Variants in DCTN4 observed in about 807,000 individuals in gnomAD.
DCTN4 encodes dynactin 4 (p62).
Under a neutral mutation model 62.7 loss-of-function variants are expected in DCTN4, and 23 were observed. The ratio of observed to expected loss-of-function variants is 0.37; its 90% confidence interval spans 0.26 to 0.52. The LOEUF (loss-of-function observed/expected upper bound fraction) is 0.52. Ranked by LOEUF, DCTN4 falls within the 20% of genes least tolerant of loss-of-function variation. The pLI, the probability that DCTN4 is intolerant of heterozygous loss-of-function variation, is 0.92. For missense variants in DCTN4, 514 were observed against 580.4 expected, an observed-to-expected ratio of 0.89 and a Z score of 1.18; for synonymous variants, 199 against 202.1, an observed-to-expected ratio of 0.98 and a Z score of 0.13.
rs948550308 is a variant in DCTN4 at position 150,731,100 on chromosome 5, T to A, written c.668A>T (p.Asp223Val). The change falls in exon 7 of 13, where the codon GAT becomes GTT. Residue 223 changes from aspartate to valine, a missense_variant. Coordinates refer to ENST00000447998, the MANE Select transcript of DCTN4 (RefSeq NM_016221.4). ...GTCTTCAGGTAGAGGTTCCACTTCA[T>A]CCACAGCCTGAGCTGGCTCAATCTT... ...EIKIEPAQAV[D>V]EVEPLPEDYY... The A allele has an allele frequency of 5.0e-6, 8 of 1,613,486 alleles. No homozygotes were observed. The highest frequency in any genetic ancestry group is 1.7e-5 in the Admixed American group (1 of 60,016).
intron 4 of DCTN4, among the ~76,000 whole-genome samples, chr5:150,741,164 C>CAAAAAAAAA: frequency 1.7e-5 from 1 of 58,348 alleles, no homozygotes; most frequent in African/African-American, 5.4e-5. Flanking sequence ...GATCCTGTCT[C>CAAAAAAAAA]AAAAAAAAAA....
intron 3 of DCTN4, among the ~76,000 whole-genome samples, chr5:150,753,111 C>T (rs576880490): frequency 2.0e-5 from 3 of 152,254 alleles, no homozygotes; most frequent in African/African-American, 4.8e-5. Flanking sequence ...GTGATCTGCC[C>T]GCCTCAACCT....
chr5:150,758,464 A>ATGG, intron 1 of DCTN4: 4 of 993,612 alleles, frequency 4.0e-6, no homozygotes, highest in Non-Finnish European at 4.8e-6. Flanking sequence ...TGGGAGAACT[A>ATGG]TGAATGAGAA....
chr5:150,754,473 A>G (rs139976805), intron 2 of DCTN4, among the ~76,000 whole-genome samples: 325 of 152,336 alleles, frequency 2.1e-3, no homozygotes, highest in Non-Finnish European at 3.7e-3. Context: ...CAGGGCAGGA[A>G]AGACAAATAA....
chr5:150,716,184 G>A (rs1460438176), intron 11 of DCTN4, among the ~76,000 whole-genome samples: 18 of 152,192 alleles, frequency 1.2e-4, no homozygotes, highest in Admixed American at 1.2e-3. Flanking sequence ...GATTACAGGC[G>A]TGAGCCACCG....
At chr5:150,742,248 T>C (rs1175441903) in intron 3 of DCTN4, 91 bp from the exon 4 acceptor site, 2 of 1,329,948 alleles carry the variant, frequency 1.5e-6, no homozygotes, top group African/African-American at 2.9e-5. Flanking sequence ...AAAAAGAAAC[T>C]TAAAACATAA....
In DCTN4 at chr5:150,747,288, G is replaced by C. The variant is rs557831891; in HGVS notation, c.386-5131C>G. Among the ~76,000 whole-genome samples, 8 of 152,316 alleles carry C rather than the reference G, an allele frequency of 5.3e-5. No individual in the cohort carries two copies. In the East Asian group the frequency reaches 9.6e-4, roughly 18 times the overall value. On this transcript the variant is annotated intron_variant, in intron 3 of 12. Transcript: ENST00000447998. ...CAAACCACTGCTCAAGGAAATAAAA[G>C]AGGATACAAACAAATGGAAGAACAT... is the stretch of plus-strand genomic sequence containing the variant.
chr5:150,742,210 T>C, intron 3 of DCTN4, 53 bp from the exon 4 acceptor site: 2 of 1,570,104 alleles, frequency 1.3e-6, no homozygotes, highest in Non-Finnish European at 1.8e-6. Context: ...TAATTTTATT[T>C]TCATAAAACA....
chr5:150,742,180 A>G, intron 3 of DCTN4, 23 bp from the exon 4 acceptor site: 1 of 1,610,620 alleles, frequency 6.2e-7, no homozygotes, highest in Non-Finnish European at 8.5e-7. Flanking sequence ...AGAATATTAA[A>G]CAAGACTTTC....
chr5:150,731,598 A>G (rs1485647198), intron 5 of DCTN4, 109 bp from the exon 6 acceptor site: 7 of 827,016 alleles, frequency 8.5e-6, no homozygotes, highest in Non-Finnish European at 1.3e-5. Context: ...GAAATAAGCA[A>G]AAAAAAAGCT....
At position 150,731,026 on chromosome 5, in the gene DCTN4, A is replaced by C; in HGVS notation, c.724+18T>G. The C allele has an allele frequency of 7.0e-7, 1 of 1,432,634 alleles. No individual in the cohort carries two copies. The highest frequency in any genetic ancestry group is 9.8e-7 in the Non-Finnish European group (1 of 1,022,918). The allele number at this position is 1,432,634 out of a possible 1,614,324, so 88.7% of individuals were successfully genotyped here. ...TAGATGTAGACTAGAAACAAAGTAG[A>C]AAAACACAGAAAATTACCCTCTGTT... On this transcript the variant is annotated intron_variant, in intron 7 of 12. Transcript: ENST00000447998.
chr5:150,708,616 T>G lies in DCTN4; in HGVS notation c.*2533A>C, dbSNP rs1022729656. On this transcript the variant is annotated 3_prime_UTR_variant, in exon 13 of 13. Coordinates refer to ENST00000447998, the MANE Select transcript of DCTN4 (RefSeq NM_016221.4). ...AACTAACCTGCTAAGAGATTTTAGA[T>G]TACTTCATTTAAGGAATGGAAGGGA... 4 of 152,780 alleles carry G rather than the reference T, an allele frequency of 2.6e-5. No homozygotes were observed. The highest frequency in any genetic ancestry group is 9.6e-5 in the African/African-American group (4 of 41,458). 9.5% of individuals were successfully genotyped at this position (152,780 alleles called of 1,614,324 possible).
intron 3 of DCTN4, among the ~76,000 whole-genome samples, chr5:150,752,254 G>A (rs952793543): frequency 6.6e-6 from 1 of 152,092 alleles, no homozygotes; most frequent in African/African-American, 2.4e-5. Context: ...ACTCTATGAT[G>A]TTAACCATGA....
chr5:150,755,753 C>T (rs1752838067), intron 2 of DCTN4, among the ~76,000 whole-genome samples: 1 of 151,814 alleles, frequency 6.6e-6, no homozygotes. Flanking sequence ...GAAAAGAATC[C>T]TGGAAAAAAA....
intron 3 of DCTN4, among the ~76,000 whole-genome samples, chr5:150,742,621 C>T (rs975317101): frequency 1.3e-5 from 2 of 152,256 alleles, no homozygotes; most frequent in African/African-American, 2.4e-5. Flanking sequence ...GAATTTCTTA[C>T]GTAAGAAGCA....
chr5:150,713,601 G>A (rs1203911844), intron 12 of DCTN4, among the ~76,000 whole-genome samples: 8 of 150,662 alleles, frequency 5.3e-5, no homozygotes, highest in East Asian at 2.0e-4. Context: ...GTGCCACCAC[G>A]CCTGGCTAAT....
chr5:150,731,177 A>T, intron 6 of DCTN4, 21 bp from the exon 7 acceptor site: 1 of 1,473,332 alleles, frequency 6.8e-7, no homozygotes, highest in Non-Finnish European at 9.5e-7. Flanking sequence ...AAAAAAACAA[A>T]ACAAAACAAA....
intron 8 of DCTN4, among the ~76,000 whole-genome samples, chr5:150,724,183 A>G (rs1760056661): frequency 6.6e-6 from 1 of 151,828 alleles, no homozygotes; most frequent in African/African-American, 2.4e-5. Context: ...TTAATTTTTC[A>G]TTTTCTCATT....
Position 150,733,405 on chromosome 5 carries a change from A to T in DCTN4, c.500T>A (p.Leu167Gln), listed in dbSNP as rs748518473. 6.2e-7 allele frequency: 1 copy of T among 1,614,098 alleles called. No individual in the cohort carries two copies. The highest frequency in any genetic ancestry group is 8.5e-7 in the Non-Finnish European group (1 of 1,179,996). ...AGGCATATAGTTTCTACGTCGTGCC[A>T]GTTTCTTGCGATCTCGCTCAACCTT... The part of the protein sequence containing the change: ...KEKVERDRKK[L>Q]ARRRNYMPLA... Residue 167 changes from leucine (L) to glutamine (Q), a missense_variant, in exon 5 of 13, where the codon CTG becomes CAG. Physicochemically the swap from Leu to Gln is moderately radical, Grantham distance 113. Coordinates refer to ENST00000447998, the MANE Select transcript of DCTN4 (RefSeq NM_016221.4).
Sources: allele counts gnomAD v4.1 joint callset (sites outside exome capture counted in the v4.1 genomes callset), GRCh38; gene constraint gnomAD v4.1.1; transcripts MANE v1.5; gene names NCBI Gene and HGNC (gene_info 2026-07-23, HGNC 2026-07-21).